The following ERGIC1 variants were observed in gnomAD, a reference collection of about 807,000 sequenced individuals.
ERGIC1 encodes endoplasmic reticulum-golgi intermediate compartment 1.
A neutral mutation model predicts 38.3 loss-of-function variants in ERGIC1; 19 were observed. The observed-to-expected ratio is 0.50, with a 90% CI of 0.35 to 0.73. The LOEUF is 0.73. Ranked by LOEUF, ERGIC1 falls within the 30% of genes least tolerant of loss-of-function variation. The probability of loss-of-function intolerance (pLI) is 0.01; values close to 1 mark genes in which losing one functional copy is unlikely to be tolerated. For missense variants in ERGIC1, 294 were observed against 389.2 expected (o/e 0.76, Z 2.06); for synonymous variants, 124 against 157.6 (o/e 0.79, Z 1.60).
chr5:172,872,412 T>C (rs1762040516), intron 1 of ERGIC1, among the ~76,000 whole-genome samples: 1 of 152,216 alleles, frequency 6.6e-6, no homozygotes, highest in South Asian at 2.1e-4. Flanking sequence ...TCAGTAAATA[T>C]CATTCTCCTT....
At chr5:172,938,830 G>C (rs1218218743) in intron 9 of ERGIC1, among the ~76,000 whole-genome samples, 2 of 152,046 alleles carry the variant, frequency 1.3e-5, no homozygotes, top group Non-Finnish European at 1.5e-5. Context: ...TTGGGAGGCT[G>C]AGGCGGGCGG....
Position 172,837,454 on chromosome 5 carries a change from C to T in ERGIC1, c.20+3021C>T, listed in dbSNP as rs996875708. On this transcript the variant is annotated intron_variant, in intron 1 of 9. Transcript: ENST00000393784. The surrounding 1 kb of genome is among the most constrained non-coding windows in gnomAD (Gnocchi z 4.3). ...ATTATCATGCTGCTTCTCTCTCCCT[C>T]CCATTAGTACATGAGCTCCTGAGGG... 6.6e-6 allele frequency among the ~76,000 whole-genome samples: 1 copy of T among 152,226 alleles called. No individual in the cohort carries two copies. The highest frequency in any genetic ancestry group is 1.9e-4 in the East Asian group (1 of 5,204).
At chr5:172,867,042 C>T in intron 1 of ERGIC1, 1 of 399,176 alleles carries the variant, frequency 2.5e-6, no homozygotes, top group South Asian at 1.8e-5. Flanking sequence ...GGAGATGATG[C>T]AGATGGAGAT....
chr5:172,908,153 G>A (rs937097708), intron 3 of ERGIC1, among the ~76,000 whole-genome samples: 2 of 151,386 alleles, frequency 1.3e-5, no homozygotes, highest in African/African-American at 2.4e-5. Context: ...CTTTGCAAAT[G>A]TGATTACATT....
chr5:172,913,454 C>T (rs1337775324), intron 4 of ERGIC1, among the ~76,000 whole-genome samples: 4 of 152,250 alleles, frequency 2.6e-5, no homozygotes, highest in Non-Finnish European at 5.9e-5. Flanking sequence ...TGGCATTTCC[C>T]ATGTCCTGTG....
intron 1 of ERGIC1, among the ~76,000 whole-genome samples, chr5:172,879,145 CAG>C (rs766652821): frequency 6.6e-5 from 10 of 152,208 alleles, no homozygotes; most frequent in Non-Finnish European, 1.3e-4. Context: ...TCTGCAAGAA[CAG>C]GGGAGAACTA....
intron 1 of ERGIC1, among the ~76,000 whole-genome samples, chr5:172,868,099 A>G (rs1042049667): frequency 6.6e-6 from 1 of 152,250 alleles, no homozygotes; most frequent in African/African-American, 2.4e-5. Flanking sequence ...AGCGATGATG[A>G]TAATCACAGC....
chr5:172,850,266 G>C (rs573323370), intron 1 of ERGIC1, among the ~76,000 whole-genome samples: 2 of 152,204 alleles, frequency 1.3e-5, no homozygotes, highest in African/African-American at 2.4e-5. Flanking sequence ...AGTCAAAGGA[G>C]GGCATGAGAA....
At chr5:172,946,686 C>T (rs1360861515) in intron 9 of ERGIC1, among the ~76,000 whole-genome samples, 1 of 152,210 alleles carries the variant, frequency 6.6e-6, no homozygotes, top group East Asian at 1.9e-4. Flanking sequence ...ATTTCTGAAT[C>T]TTTCCATATG....
At chr5:172,885,835 C>G (rs1390525912) in intron 1 of ERGIC1, among the ~76,000 whole-genome samples, 3 of 152,192 alleles carry the variant, frequency 2.0e-5, no homozygotes, top group Non-Finnish European at 4.4e-5. Flanking sequence ...CTCAAATGGT[C>G]ACCGCCTAGG....
At chr5:172,839,426 T>C (rs945741092) in intron 1 of ERGIC1, among the ~76,000 whole-genome samples, 1 of 151,114 alleles carries the variant, frequency 6.6e-6, no homozygotes, top group Non-Finnish European at 1.5e-5. Context: ...TGGCCAGGTG[T>C]GGTGATGTGC....
intron 3 of ERGIC1, among the ~76,000 whole-genome samples, chr5:172,906,491 G>A (rs1302661343): frequency 6.6e-6 from 1 of 152,124 alleles, no homozygotes; most frequent in Non-Finnish European, 1.5e-5. Context: ...TCTTGTCTCT[G>A]GGAATATCCT....
chr5:172,871,120 C>T (rs1173908933), intron 1 of ERGIC1, among the ~76,000 whole-genome samples: 1 of 152,220 alleles, frequency 6.6e-6, no homozygotes, highest in Non-Finnish European at 1.5e-5. Flanking sequence ...ATCGCATGTG[C>T]CCGGTAGTAA....
At chr5:172,925,200 T>C (rs942343203) in intron 6 of ERGIC1, among the ~76,000 whole-genome samples, 1 of 151,840 alleles carries the variant, frequency 6.6e-6, no homozygotes, top group African/African-American at 2.4e-5. Flanking sequence ...ATCATGCCAC[T>C]GCACTCCAGC....
intron 1 of ERGIC1, among the ~76,000 whole-genome samples, chr5:172,875,429 C>T (rs1561712780): frequency 6.6e-6 from 1 of 152,052 alleles, no homozygotes; most frequent in Non-Finnish European, 1.5e-5. Flanking sequence ...TGATGTGTGA[C>T]CCTTTGATTA....
chr5:172,847,634 C>T (rs1761311380), intron 1 of ERGIC1, among the ~76,000 whole-genome samples: 1 of 152,148 alleles, frequency 6.6e-6, no homozygotes, highest in African/African-American at 2.4e-5. Flanking sequence ...CTGCCTCAGC[C>T]TCCCAAGTTA....
chr5:172,905,555 G>A (rs7721348), intron 3 of ERGIC1: 76,669 of 416,828 alleles, frequency 0.18, 7,670 homozygotes, highest in Non-Finnish European at 0.21. Flanking sequence ...AGCTCATTTA[G>A]GACAAACCCG....
intron 1 of ERGIC1, among the ~76,000 whole-genome samples, chr5:172,838,028 A>C (rs1013822265): frequency 1.3e-5 from 2 of 151,238 alleles, no homozygotes; most frequent in African/African-American, 4.9e-5. Context: ...CATGTTGAAA[A>C]CCCAAGGCCT....
rs1196513316 is a variant in ERGIC1, at chr5:172,909,593, TC to T, written c.156-70del. On this transcript the variant is annotated intron_variant, in intron 3 of 9. Coordinates refer to ENST00000393784, the MANE Select transcript of ERGIC1 (RefSeq NM_001031711.3). ...AAGTTGTGGTCACCAAGTGAAGTGA[TC>T]CCCGGCTGTCCCCCGCAGCTGAGAT... 1.2e-5 allele frequency: 17 copies of T among 1,380,820 alleles called. No homozygotes were observed. The East Asian group carries it at 3.9e-4, about 32-fold the overall frequency. The allele number at this position is 1,380,820 out of a possible 1,614,324, so 85.5% of individuals were successfully genotyped here.
Sources: allele counts gnomAD v4.1 joint callset (sites outside exome capture counted in the v4.1 genomes callset), GRCh38; gene constraint gnomAD v4.1.1; non-coding constraint Gnocchi (gnomAD v3.1); transcripts MANE v1.5; gene names NCBI Gene and HGNC (gene_info 2026-07-23, HGNC 2026-07-21).